The following NFYA variants were observed in gnomAD, a reference collection of about 807,000 sequenced individuals.
NFYA encodes nuclear transcription factor Y subunit alpha, also known as CAAT-box DNA binding protein subunit A.
In NFYA, 28 loss-of-function variants were observed where a neutral mutation model predicts 52.8. The observed-to-expected ratio is 0.53, with a 90% CI of 0.39 to 0.73. NFYA has a LOEUF of 0.73. NFYA is among the 30% of genes least tolerant of loss of function. The pLI, the probability that NFYA is intolerant of heterozygous loss-of-function variation, is 0.00. For missense variants in NFYA, 234 were observed against 427.0 expected, an observed-to-expected ratio of 0.55 and a Z score of 3.98; for synonymous variants, 150 against 150.7, an observed-to-expected ratio of 1.00 and a Z score of 0.03.
chr6:41,098,947 C>G lies in NFYA; in HGVS notation c.*1537C>G, dbSNP rs528328827. ...GGAAACAAGGAAAACCCAATAATTC[C>G]GAGGAACATTGGGGGTTAAATACCA... is the stretch of plus-strand genomic sequence containing the variant. On this transcript the variant is annotated 3_prime_UTR_variant, in exon 10 of 10. Coordinates refer to ENST00000341376, the MANE Select transcript of NFYA (RefSeq NM_002505.5). 6.6e-6 allele frequency: 1 copy of G among 152,392 alleles called. No individual in the cohort carries two copies. The highest frequency in any genetic ancestry group is 2.1e-4 in the South Asian group (1 of 4,822). 9.4% of individuals were successfully genotyped at this position (152,392 alleles called of 1,614,324 possible). A position where few individuals can be genotyped will look rare whatever the true frequency, so the allele number is the denominator to read the frequency against.
intron 4 of NFYA, among the ~76,000 whole-genome samples, 176 bp from the exon 5 acceptor site, chr6:41,089,402 AT>A (rs1289910815): frequency 6.6e-6 from 1 of 152,166 alleles, no homozygotes; most frequent in Non-Finnish European, 1.5e-5. Flanking sequence ...GAAATTCCCT[AT>A]TTGTTTCATA....
At chr6:41,073,612 C>T (rs1218462473) in intron 1 of NFYA, among the ~76,000 whole-genome samples, 1 of 152,158 alleles carries the variant, frequency 6.6e-6, no homozygotes, top group Non-Finnish European at 1.5e-5. Flanking sequence ...TCTGCAGCCC[C>T]TCTAGGTCGG....
chr6:41,086,044 TA>T (rs1764034557), intron 4 of NFYA, among the ~76,000 whole-genome samples: 1 of 152,228 alleles, frequency 6.6e-6, no homozygotes, highest in South Asian at 2.1e-4. Context: ...TATGAGGCTT[TA>T]AATATCTTTT....
At chr6:41,079,218 C>T in intron 2 of NFYA, 54 bp downstream of exon 2, 2 of 1,527,902 alleles carry the variant, frequency 1.3e-6, no homozygotes, top group Non-Finnish European at 1.8e-6. Flanking sequence ...ATAACAGCAC[C>T]ACTCAATTGG....
chr6:41,082,037 G>A (rs1763924501), intron 3 of NFYA, among the ~76,000 whole-genome samples: 1 of 152,158 alleles, frequency 6.6e-6, no homozygotes, highest in South Asian at 2.1e-4. Flanking sequence ...CAAGATTTGG[G>A]TACCCTACTT....
Position 41,097,509 on chromosome 6 carries a change from C to A in NFYA, c.*99C>A. On this transcript the variant is annotated 3_prime_UTR_variant, in exon 10 of 10. Coordinates refer to ENST00000341376, the MANE Select transcript of NFYA (RefSeq NM_002505.5). ...GGGACATTGATGATCACATTCTGCCCTTTACTACAGGACAGAAACCACTTA... is the reference window on the plus strand; with the variant it reads ...GGGACATTGATGATCACATTCTGCCATTTACTACAGGACAGAAACCACTTA... 1.6e-6 allele frequency: 2 copies of A among 1,288,506 alleles called. No homozygotes were observed. The highest frequency in any genetic ancestry group is 2.2e-6 in the Non-Finnish European group (2 of 898,138). 79.8% of individuals were successfully genotyped at this position (1,288,506 alleles called of 1,614,324 possible). A position where few individuals can be genotyped will look rare whatever the true frequency, so the allele number is the denominator to read the frequency against.
chr6:41,087,785 T>C (rs1246043469), intron 4 of NFYA, among the ~76,000 whole-genome samples: 1 of 152,212 alleles, frequency 6.6e-6, no homozygotes, highest in Non-Finnish European at 1.5e-5. Context: ...AGGGTTGTAT[T>C]GCAGTTTTTT....
intron 3 of NFYA, 44 bp downstream of exon 3, chr6:41,080,941 C>A: frequency 2.0e-6 from 3 of 1,473,006 alleles, no homozygotes; most frequent in South Asian, 1.1e-5. Context: ...ATGAACTTCT[C>A]CTCTCCTCAT....
intron 4 of NFYA, 130 bp downstream of exon 4, chr6:41,084,322 T>C: frequency 9.0e-7 from 1 of 1,107,712 alleles, no homozygotes; most frequent in Non-Finnish European, 1.3e-6. Context: ...TTCAGTTGAT[T>C]TTCTGCCTTT....
At chr6:41,094,620 T>G in intron 9 of NFYA, 123 bp downstream of exon 9, 1 of 658,694 alleles carries the variant, frequency 1.5e-6, no homozygotes. Flanking sequence ...CTAAACTGGA[T>G]GCAATCTTAT....
intron 4 of NFYA, among the ~76,000 whole-genome samples, chr6:41,086,840 A>G (rs1764059225): frequency 6.6e-6 from 1 of 152,206 alleles, no homozygotes; most frequent in African/African-American, 2.4e-5. Flanking sequence ...TTTCTAATTC[A>G]TACTGTATTT....
Position 41,101,801 on chromosome 6 carries a change from A to C in NFYA, c.*4391A>C, listed in dbSNP as rs1457947071. Among the ~76,000 whole-genome samples the C allele has an allele frequency of 6.6e-6, 1 of 152,158 alleles. No individual in the cohort carries two copies. The highest frequency in any genetic ancestry group is 2.1e-4 in the South Asian group (1 of 4,784). ...AAAGGGCACCATCTCCAGCTCTTGGAAGCAGAGAGGGTGGTCCTTTGGATT... is the reference window on the plus strand; with the variant it reads ...AAAGGGCACCATCTCCAGCTCTTGGCAGCAGAGAGGGTGGTCCTTTGGATT... On this transcript the variant is annotated 3_prime_UTR_variant, in exon 10 of 10. Coordinates refer to ENST00000341376, the MANE Select transcript of NFYA (RefSeq NM_002505.5).
rs772456505 is a variant in NFYA at position 41,080,843 on chromosome 6, G to C, written c.108G>C (p.Gln36His). 2.5e-6 allele frequency: 4 copies of C among 1,613,912 alleles called. No individual in the cohort carries two copies. The highest frequency in any genetic ancestry group is 1.1e-5 in the South Asian group (1 of 91,062). ...QQGGVTAVQLQTEAQVASASG... is the reference protein window; with the variant it reads ...QQGGVTAVQLHTEAQVASASG... ...GTGGTGTCACTGCTGTGCAGTTGCA[G>C]ACTGAGGCCCAGGTGGCATCCGCCT... Residue 36 changes from glutamine (Q) to histidine (H), a missense_variant, in exon 3 of 10, where the codon CAG (glutamine) becomes CAC (histidine). Coordinates refer to ENST00000341376, the MANE Select transcript of NFYA (RefSeq NM_002505.5).
intron 4 of NFYA, among the ~76,000 whole-genome samples, chr6:41,089,351 AC>A (rs1764136650): frequency 6.6e-6 from 1 of 152,218 alleles, no homozygotes; most frequent in Non-Finnish European, 1.5e-5. Flanking sequence ...TTTCATAAAA[AC>A]CGACATTGAT....
At chr6:41,074,366 A>G (rs1043260889) in intron 1 of NFYA, among the ~76,000 whole-genome samples, 6 of 152,232 alleles carry the variant, frequency 3.9e-5, no homozygotes, top group African/African-American at 1.2e-4. Flanking sequence ...GTAGAGGTCA[A>G]TAAGAACTGT....
chr6:41,086,671 A>C (rs181549747), intron 4 of NFYA, among the ~76,000 whole-genome samples: 2 of 152,212 alleles, frequency 1.3e-5, no homozygotes, highest in South Asian at 4.1e-4. Context: ...AAAATTCTGC[A>C]TATAATTTTA....
At chr6:41,084,908 C>T (rs982490874) in intron 4 of NFYA, among the ~76,000 whole-genome samples, 2 of 152,126 alleles carry the variant, frequency 1.3e-5, no homozygotes, top group Non-Finnish European at 2.9e-5. Context: ...TTGCAGTAAG[C>T]CAAGATTGTG....
At chr6:41,078,335 G>A (rs1353048255) in intron 1 of NFYA, among the ~76,000 whole-genome samples, 1 of 152,200 alleles carries the variant, frequency 6.6e-6, no homozygotes, top group Non-Finnish European at 1.5e-5. Context: ...ATAATGAGCA[G>A]CTCAGTTAGG....
chr6:41,093,620 G>A (rs1358417883), intron 8 of NFYA, among the ~76,000 whole-genome samples: 1 of 152,068 alleles, frequency 6.6e-6, no homozygotes, highest in Non-Finnish European at 1.5e-5. Flanking sequence ...ACAGGTGTGC[G>A]CCACCACGCC....
Sources: gnomAD v4.1 joint callset for allele counts (sites outside exome capture counted in the v4.1 genomes callset) on GRCh38, gnomAD v4.1.1 for gene constraint, MANE v1.5 for transcripts, NCBI Gene and HGNC (gene_info 2026-07-23, HGNC 2026-07-21) for gene names.